YTHDF3: variants seen among roughly 807,000 people sequenced by gnomAD.
YTHDF3 encodes the protein YTH domain-containing family protein 3.
A neutral mutation model predicts 52.5 loss-of-function variants in YTHDF3; 9 were observed. The observed-to-expected ratio is 0.17, with a 90% CI of 0.10 to 0.30. The LOEUF (loss-of-function observed/expected upper bound fraction) is 0.30. Among genes scored for constraint, YTHDF3 ranks in the 10% least tolerant of loss-of-function variants. YTHDF3 has a pLI of 1.00. For missense variants in YTHDF3, 534 were observed against 715.0 expected, an observed-to-expected ratio of 0.75 and a Z score of 2.89; for synonymous variants, 274 against 243.3, an observed-to-expected ratio of 1.13 and a Z score of -1.18.
chr8:63,189,525 A>G (rs1274016049), intron 4 of YTHDF3, among the ~76,000 whole-genome samples: 2 of 152,214 alleles, frequency 1.3e-5, no homozygotes, highest in East Asian at 3.8e-4. Flanking sequence ...TAAAGAGGTA[A>G]CTTAACTCTA....
chr8:63,180,939 G>C (rs1326161119), intron 3 of YTHDF3, among the ~76,000 whole-genome samples: 4 of 152,214 alleles, frequency 2.6e-5, no homozygotes, highest in African/African-American at 4.8e-5. Flanking sequence ...GTCCAGCTTC[G>C]GCTCGGCATC....
At chr8:63,176,170 T>G (rs2129995006) in intron 3 of YTHDF3, among the ~76,000 whole-genome samples, 1 of 152,376 alleles carries the variant, frequency 6.6e-6, no homozygotes, top group South Asian at 2.1e-4. Context: ...ACATTTTCAG[T>G]ATTCACCAGT....
intron 4 of YTHDF3, among the ~76,000 whole-genome samples, chr8:63,188,483 C>T (rs965659419): frequency 6.0e-5 from 9 of 148,816 alleles, no homozygotes; most frequent in Non-Finnish European, 1.5e-5. Flanking sequence ...CACACCACCA[C>T]GCCTGGCTAA....
intron 3 of YTHDF3, 192 bp downstream of exon 3, chr8:63,175,608 G>T (rs1474631275): frequency 6.2e-6 from 3 of 481,794 alleles, no homozygotes; most frequent in African/African-American, 5.8e-5. Context: ...GAAAGTATAG[G>T]CACCAGAAAC....
chr8:63,177,335 G>T (rs1807763054), intron 3 of YTHDF3, among the ~76,000 whole-genome samples: 1 of 152,096 alleles, frequency 6.6e-6, no homozygotes, highest in Non-Finnish European at 1.5e-5. Context: ...CCTATCTACT[G>T]AGCAACATTC....
chr8:63,179,372 G>A (rs1038357227), intron 3 of YTHDF3, among the ~76,000 whole-genome samples: 38 of 152,264 alleles, frequency 2.5e-4, no homozygotes, highest in African/African-American at 8.2e-4. Flanking sequence ...GCGGCCTTCC[G>A]CAGTGTTTGT....
intron 3 of YTHDF3, among the ~76,000 whole-genome samples, chr8:63,176,852 A>AT (rs886882990): frequency 4.0e-5 from 6 of 150,624 alleles, no homozygotes; most frequent in African/African-American, 1.5e-4. Context: ...TACTTTTTGT[A>AT]TTTTTTAGTA....
In YTHDF3 at chr8:63,173,104, C is replaced by T. The variant is rs182636007; in HGVS notation, c.50-2227C>T. The stretch of plus-strand genomic sequence containing the variant: ...CATTTATGCATCATTTAAAAATGAC[C>T]GTAGACTGTATTTATAATAGTATAT... On this transcript the variant is annotated intron_variant, in intron 2 of 4. Transcript: ENST00000539294. Among the ~76,000 whole-genome samples the T allele has an allele frequency of 4.0e-3, 602 of 149,214 alleles. 7 individuals carry two copies. Among genetic ancestry groups the T allele is most frequent in the African/African-American group, 0.015 (581 of 39,818 alleles).
chr8:63,191,713 A>G (rs779528446), intron 4 of YTHDF3, among the ~76,000 whole-genome samples: 2 of 152,134 alleles, frequency 1.3e-5, no homozygotes, highest in South Asian at 2.1e-4. Flanking sequence ...GTTTGTCCCT[A>G]TAAGACATTT....
At chr8:63,192,028 G>A (rs970305736) in intron 4 of YTHDF3, among the ~76,000 whole-genome samples, 34 of 152,058 alleles carry the variant, frequency 2.2e-4, no homozygotes, top group African/African-American at 8.0e-4. Context: ...TTTGGCGGGG[G>A]CGTACAGCTC....
intron 2 of YTHDF3, chr8:63,172,797 A>G (rs543937382): frequency 8.1e-7 from 1 of 1,231,552 alleles, no homozygotes; most frequent in Non-Finnish European, 1.0e-6. Flanking sequence ...GCGAAGAATC[A>G]TGTAAGTCAT....
chr8:63,209,225 G>A (rs1368319173), intron 4 of YTHDF3, among the ~76,000 whole-genome samples: 1 of 152,158 alleles, frequency 6.6e-6, no homozygotes, highest in Non-Finnish European at 1.5e-5. Context: ...GAGAGTGTAA[G>A]ATACTCTCTT....
chr8:63,206,254 G>T (rs1810024433), intron 4 of YTHDF3, among the ~76,000 whole-genome samples: 1 of 152,008 alleles, frequency 6.6e-6, no homozygotes, highest in Admixed American at 6.6e-5. Context: ...TGTGTTTTCA[G>T]TAGAGACGGG....
chr8:63,180,201 G>A (rs1226037010), intron 3 of YTHDF3, among the ~76,000 whole-genome samples: 6 of 150,380 alleles, frequency 4.0e-5, no homozygotes, highest in African/African-American at 4.9e-5. Context: ...GGGCGGAGGG[G>A]CGCCTCACTT....
At chr8:63,179,265 GA>G (rs1239082702) in intron 3 of YTHDF3, among the ~76,000 whole-genome samples, 8 of 151,460 alleles carry the variant, frequency 5.3e-5, no homozygotes, top group African/African-American at 1.5e-4. Context: ...GTTTCTCGCA[GA>G]GGGGGATTTG....
intron 2 of YTHDF3, among the ~76,000 whole-genome samples, chr8:63,169,651 T>C (rs536760728): frequency 6.6e-6 from 1 of 152,316 alleles, no homozygotes; most frequent in East Asian, 1.9e-4. Flanking sequence ...GTTAAGCAGG[T>C]ATTGGTGTGA....
chr8:63,205,005 G>A lies in YTHDF3; in HGVS notation c.1735-4678G>A, dbSNP rs764765678. Among the ~76,000 whole-genome samples the A allele has an allele frequency of 3.0e-4, 46 of 152,236 alleles. No homozygotes were observed. In the Middle Eastern group the frequency reaches 0.014, roughly 45 times the overall value. On this transcript the variant is annotated intron_variant, in intron 4 of 4. Transcript: ENST00000539294. ...GCCTGTTTCATAGTTTGAAGACTAG[G>A]GGTCTTAGCTCATTTGTTAACCTCT...
chr8:63,170,802 C>T lies in YTHDF3; in HGVS notation c.49+1391C>T, dbSNP rs1042293179. On this transcript the variant is annotated intron_variant, in intron 2 of 4. Coordinates refer to ENST00000539294, the MANE Select transcript of YTHDF3 (RefSeq NM_152758.6). Reference sequence around the variant, plus strand: ...GAAATGCTAAGTGTTTTATGTTACCCGCTTTAAGGTAAGTACACAAGTTCT... The same window carrying T: ...GAAATGCTAAGTGTTTTATGTTACCTGCTTTAAGGTAAGTACACAAGTTCT... Among the ~76,000 whole-genome samples the T allele has an allele frequency of 7.2e-5, 11 of 152,146 alleles. No individual in the cohort carries two copies. The East Asian group carries it at 1.2e-3, about 16-fold the overall frequency.
Position 63,168,625 on chromosome 8 carries a change from C to T in YTHDF3, c.-253C>T. ...AGGGAGGCTCGGAGCGGAAGTGAGA[C>T]TAGGGAGTCTGTCCGCCATTGTGGA... is the stretch of plus-strand genomic sequence containing the variant. On this transcript the variant is annotated 5_prime_UTR_variant, in exon 1 of 5. Coordinates refer to ENST00000539294, the MANE Select transcript of YTHDF3 (RefSeq NM_152758.6). 3.1e-6 allele frequency: 2 copies of T among 646,516 alleles called. No homozygotes were observed. Among genetic ancestry groups the T allele is most frequent in the Non-Finnish European group, 5.3e-6 (2 of 379,080 alleles). The allele number at this position is 646,516 out of a possible 1,614,324, so 40.0% of individuals were successfully genotyped here.
Sources: allele counts gnomAD v4.1 joint callset (sites outside exome capture counted in the v4.1 genomes callset), GRCh38; gene constraint gnomAD v4.1.1; transcripts MANE v1.5; gene names NCBI Gene and HGNC (gene_info 2026-07-23, HGNC 2026-07-21).